SULF2: variants seen among roughly 807,000 people sequenced by gnomAD.
SULF2 encodes the protein sulfatase 2.
A neutral mutation model predicts 107.7 loss-of-function variants in SULF2; 52 were observed. The ratio of observed to expected loss-of-function variants is 0.48; its 90% CI spans 0.39 to 0.61. The LOEUF is 0.61. Among genes scored for constraint, SULF2 ranks in the 20% least tolerant of loss-of-function variants. SULF2 has a pLI of 0.00. For missense variants in SULF2, 993 were observed against 1,177.3 expected (o/e 0.84, Z 2.29); for synonymous variants, 460 against 464.3 (o/e 0.99, Z 0.12).
In SULF2 at chr20:47,757,358, G is replaced by A. The variant is rs554725545; in HGVS notation, c.6C>T (p.Gly2=). Residue 2 remains glycine, a synonymous_variant, in exon 2 of 21, where the codon GGC becomes GGT. Transcript: ENST00000688720. M[G]PPSLVLCLLS... ...GCAAGCACAGCACGAGGCTCGGGGG[G>A]CCCATCTTCTTTTTTTGCTGATCTG... The A allele has an allele frequency of 2.5e-6, 4 of 1,584,830 alleles. No homozygotes were observed. The highest frequency in any genetic ancestry group is 2.3e-5 in the East Asian group (1 of 43,812).
At chr20:47,690,637 C>A (rs896546158) in intron 4 of SULF2, among the ~76,000 whole-genome samples, 4 of 152,112 alleles carry the variant, frequency 2.6e-5, no homozygotes, top group Non-Finnish European at 5.9e-5. Context: ...CTTTGGGAGG[C>A]TGAGGTGAGC....
chr20:47,739,841 C>G (rs1041263021), intron 2 of SULF2, among the ~76,000 whole-genome samples: 1 of 152,172 alleles, frequency 6.6e-6, no homozygotes, highest in Non-Finnish European at 1.5e-5. Flanking sequence ...GAATCCAAAC[C>G]AGTTGGTGTC....
In SULF2 at chr20:47,770,525, C is replaced by T. The variant is rs77538528; in HGVS notation, c.-100-13062G>A. 8.8e-3 allele frequency among the ~76,000 whole-genome samples: 1,346 copies of T among 152,270 alleles called. 20 individuals carry two copies. Among genetic ancestry groups the T allele is most frequent in the African/African-American group, 0.03 (1,244 of 41,548 alleles). On this transcript the variant is annotated intron_variant, in intron 1 of 20. Transcript: ENST00000688720. Reference sequence around the variant, plus strand: ...TTCAGTGAATGAATGAATAACTGCACGGTGGGAAGACTGGAATTGGCTGAA... The same window carrying T: ...TTCAGTGAATGAATGAATAACTGCATGGTGGGAAGACTGGAATTGGCTGAA...
At chr20:47,731,797 A>C (rs1373658507) in intron 3 of SULF2, among the ~76,000 whole-genome samples, 1 of 152,236 alleles carries the variant, frequency 6.6e-6, no homozygotes, top group East Asian at 1.9e-4. Flanking sequence ...CTGCTGGCGC[A>C]TATGATTTCC....
intron 2 of SULF2, among the ~76,000 whole-genome samples, chr20:47,753,914 C>T (rs964329464): frequency 3.9e-5 from 6 of 152,172 alleles, no homozygotes; most frequent in East Asian, 1.9e-4. Flanking sequence ...TCTTTTGGAG[C>T]GGAAGTCCAG....
chr20:47,769,931 C>T (rs80122879), intron 1 of SULF2, among the ~76,000 whole-genome samples: 11,898 of 151,120 alleles, frequency 0.079, 543 homozygotes, highest in African/African-American at 0.088. Flanking sequence ...GAACAGAAAG[C>T]GCAACTGTCC....
intron 1 of SULF2, among the ~76,000 whole-genome samples, chr20:47,767,030 T>G (rs566970326): frequency 6.6e-6 from 1 of 151,662 alleles, no homozygotes; most frequent in Non-Finnish European, 1.5e-5. Flanking sequence ...AACAGCCTGA[T>G]ACTTACTTGG....
Position 47,736,762 on chromosome 20 carries a change from T to C in SULF2, c.356A>G (p.Gln119Arg). 2 of 1,614,222 alleles carry C rather than the reference T, an allele frequency of 1.2e-6. No homozygotes were observed. The highest frequency in any genetic ancestry group is 1.7e-6 in the Non-Finnish European group (2 of 1,180,036). Residue 119 changes from glutamine (Q) to arginine (R), a missense_variant, in exon 3 of 21, where the codon CAG becomes CGG. Around this residue, in one of 3 missense-constraint regions of SULF2, gnomAD observed 388 missense variants for 449.2 expected, o/e 0.86. Coordinates refer to ENST00000688720, the MANE Select transcript of SULF2 (RefSeq NM_001387048.1). ...AAAGGTGCGGCTCTCGTGCTGTGCC[T>C]GCCAGGAGGGCGAGGAGCAGTTCTC... ...NNENCSSPSW[Q>R]AQHESRTFAV...
chr20:47,725,812 G>A (rs2089425553), intron 3 of SULF2, among the ~76,000 whole-genome samples: 1 of 152,234 alleles, frequency 6.6e-6, no homozygotes, highest in South Asian at 2.1e-4. Flanking sequence ...AGGGATGACA[G>A]AGGAAGCCCC....
At position 47,675,744 on chromosome 20, in the gene SULF2, C is replaced by T. The variant is rs369041767; in HGVS notation, c.1380+750G>A. On this transcript the variant is annotated intron_variant, in intron 10 of 20. Coordinates refer to ENST00000688720, the MANE Select transcript of SULF2 (RefSeq NM_001387048.1). ...GTTTCCATCCCACTCCCCTCCCTGC[C>T]CTGCCCCGCCCCCGACCCTCCTCTC... 1.7e-4 allele frequency among the ~76,000 whole-genome samples: 25 copies of T among 151,436 alleles called. No homozygotes were observed. In the East Asian group the frequency reaches 2.3e-3, roughly 14 times the overall value.
At chr20:47,761,051 C>G (rs2090407451) in intron 1 of SULF2, among the ~76,000 whole-genome samples, 1 of 152,202 alleles carries the variant, frequency 6.6e-6, no homozygotes, top group East Asian at 1.9e-4. Flanking sequence ...TGTGTTGATA[C>G]AGTGTGCTGG....
At chr20:47,698,519 A>C (rs1425152582) in intron 4 of SULF2, among the ~76,000 whole-genome samples, 3 of 152,138 alleles carry the variant, frequency 2.0e-5, no homozygotes, top group Admixed American at 6.5e-5. Flanking sequence ...GAGGAGAGAG[A>C]GCTTCTGTGA....
chr20:47,772,264 A>G (rs553206968), intron 1 of SULF2, among the ~76,000 whole-genome samples: 1 of 152,286 alleles, frequency 6.6e-6, no homozygotes, highest in South Asian at 2.1e-4. Flanking sequence ...TCATTCTTCG[A>G]TGGGGGACTG....
At chr20:47,763,050 T>C (rs1480242635) in intron 1 of SULF2, among the ~76,000 whole-genome samples, 1 of 152,114 alleles carries the variant, frequency 6.6e-6, no homozygotes, top group Non-Finnish European at 1.5e-5. Flanking sequence ...TTTTTCCTTT[T>C]TCTTGGTAAA....
chr20:47,659,370 T>G, intron 20 of SULF2, 29 bp downstream of exon 20: 2 of 1,608,528 alleles, frequency 1.2e-6, no homozygotes, highest in Non-Finnish European at 1.7e-6. Flanking sequence ...GAACCAGATT[T>G]CTATTTGTAA....
intron 8 of SULF2, 141 bp from the exon 9 acceptor site, chr20:47,677,275 C>A: frequency 1.2e-6 from 1 of 866,660 alleles, no homozygotes; most frequent in East Asian, 2.6e-5. Flanking sequence ...GTGTGCCCAG[C>A]TGGGCACTAG....
intron 7 of SULF2, among the ~76,000 whole-genome samples, chr20:47,682,742 T>C (rs2146503062): frequency 6.6e-6 from 1 of 152,256 alleles, no homozygotes; most frequent in East Asian, 1.9e-4. Context: ...CACACACGTA[T>C]ACAGCCCAGC....
At chr20:47,761,438 C>T (rs1415788649) in intron 1 of SULF2, among the ~76,000 whole-genome samples, 5 of 152,222 alleles carry the variant, frequency 3.3e-5, no homozygotes, top group African/African-American at 4.8e-5. Flanking sequence ...TAAATGGCCT[C>T]ATTTTAAAAT....
At chr20:47,728,206 G>GA (rs964669421) in intron 3 of SULF2, among the ~76,000 whole-genome samples, 1 of 152,160 alleles carries the variant, frequency 6.6e-6, no homozygotes, top group Non-Finnish European at 1.5e-5. Context: ...GGGAAGAAGG[G>GA]AGCTGTGTGT....
Sources: gnomAD v4.1 joint callset for allele counts (sites outside exome capture counted in the v4.1 genomes callset) on GRCh38, gnomAD v4.1.1 for gene constraint, gnomAD v4.1.1 regional missense constraint, MANE v1.5 for transcripts, NCBI Gene and HGNC (gene_info 2026-07-23, HGNC 2026-07-21) for gene names.